Variants in CSMD3 observed in about 807,000 individuals in gnomAD.
CSMD3 encodes the protein CUB and Sushi multiple domains 3.
In CSMD3, 177 loss-of-function variants were observed where a neutral mutation model predicts 435.2. The observed-to-expected ratio is 0.41, with a 90% CI of 0.36 to 0.46. The LOEUF (loss-of-function observed/expected upper bound fraction) is 0.46. Ranked by LOEUF, CSMD3 falls within the 20% of genes least tolerant of loss-of-function variation. The pLI is 0.34. For missense variants in CSMD3, 4,265 were observed against 4,504.6 expected, an observed-to-expected ratio of 0.95 and a Z score of 1.52; for synonymous variants, 1,656 against 1,520.5, an observed-to-expected ratio of 1.09 and a Z score of -2.07.
chr8:112,363,436 T>C (rs1827454634), intron 38 of CSMD3, among the ~76,000 whole-genome samples: 1 of 151,838 alleles, frequency 6.6e-6, no homozygotes, highest in South Asian at 2.1e-4. Context: ...AAAAAATATA[T>C]AAATATTTAT....
intron 32 of CSMD3, among the ~76,000 whole-genome samples, chr8:112,420,579 A>G (rs1465451690): frequency 2.0e-5 from 3 of 152,178 alleles, no homozygotes; most frequent in African/African-American, 7.2e-5. Flanking sequence ...TATAAAATCT[A>G]TAACCCACAT....
At chr8:112,580,563 G>T (rs1042128772) in intron 23 of CSMD3, among the ~76,000 whole-genome samples, 16 of 151,870 alleles carry the variant, frequency 1.1e-4, no homozygotes, top group Non-Finnish European at 2.1e-4. Flanking sequence ...AGATACTGGG[G>T]GTTGGTCAGG....
intron 68 of CSMD3, among the ~76,000 whole-genome samples, chr8:112,232,346 G>T (rs930685290): frequency 1.3e-5 from 2 of 152,160 alleles, no homozygotes; most frequent in South Asian, 2.1e-4. Context: ...GGTGGCTCAC[G>T]CCTGTAATTC....
At chr8:112,712,572 T>A (rs1371968107) in intron 13 of CSMD3, among the ~76,000 whole-genome samples, 1 of 152,146 alleles carries the variant, frequency 6.6e-6, no homozygotes. Flanking sequence ...ATTAATATTT[T>A]CCTTGGACTG....
At chr8:112,591,299 A>G (rs1229191369) in intron 22 of CSMD3, among the ~76,000 whole-genome samples, 2 of 152,140 alleles carry the variant, frequency 1.3e-5, no homozygotes, top group African/African-American at 4.8e-5. Context: ...GTTGGATTGA[A>G]GTGGGAAAGA....
intron 14 of CSMD3, among the ~76,000 whole-genome samples, chr8:112,685,978 T>C (rs2076002099): frequency 6.6e-6 from 1 of 152,156 alleles, no homozygotes; most frequent in South Asian, 2.1e-4. Flanking sequence ...AATAGCAATT[T>C]TTTGACATAT....
intron 3 of CSMD3, among the ~76,000 whole-genome samples, chr8:113,225,383 A>G (rs1340757501): frequency 6.6e-6 from 1 of 151,448 alleles, no homozygotes; most frequent in Non-Finnish European, 1.5e-5. Context: ...TCTCCTTTCT[A>G]CTAGTCAGAT....
At chr8:112,929,892 TA>T (rs781121577) in intron 9 of CSMD3, among the ~76,000 whole-genome samples, 4 of 152,104 alleles carry the variant, frequency 2.6e-5, no homozygotes, top group Non-Finnish European at 5.9e-5. Flanking sequence ...AGACATGAGT[TA>T]AAATCATTTG....
chr8:112,576,835 C>CATATATATAT (rs5894088), intron 23 of CSMD3, among the ~76,000 whole-genome samples: 15 of 71,606 alleles, frequency 2.1e-4, no homozygotes, highest in East Asian at 5.0e-4. Context: ...AGGCAGCATA[C>CATATATATAT]ATATATATAT....
intron 6 of CSMD3, among the ~76,000 whole-genome samples, chr8:112,999,710 T>C (rs1355494639): frequency 6.6e-6 from 1 of 150,946 alleles, no homozygotes; most frequent in Non-Finnish European, 1.5e-5. Context: ...AAAATGCAGG[T>C]GGAGTGAAGT....
At chr8:112,581,471 G>A (rs1048798100) in intron 23 of CSMD3, among the ~76,000 whole-genome samples, 1 of 151,904 alleles carries the variant, frequency 6.6e-6, no homozygotes, top group African/African-American at 2.4e-5. Flanking sequence ...GGCAATGGGG[G>A]AAATATTTAA....
At chr8:112,404,107 A>G (rs962922421) in intron 35 of CSMD3, among the ~76,000 whole-genome samples, 2 of 152,136 alleles carry the variant, frequency 1.3e-5, no homozygotes, top group African/African-American at 2.4e-5. Flanking sequence ...AAATCAAATG[A>G]CCAACCATCC....
intron 2 of CSMD3, among the ~76,000 whole-genome samples, chr8:113,282,275 G>A (rs2093618228): frequency 6.6e-6 from 1 of 151,904 alleles, no homozygotes; most frequent in African/African-American, 2.4e-5. Flanking sequence ...TAGTAAAGAG[G>A]AAGCCAAACT....
intron 14 of CSMD3, among the ~76,000 whole-genome samples, chr8:112,689,201 GA>G (rs1438857138): frequency 6.6e-6 from 1 of 151,950 alleles, no homozygotes; most frequent in Non-Finnish European, 1.5e-5. Flanking sequence ...TGTTATTAGG[GA>G]AATTTCTGCC....
At chr8:112,927,210 T>C (rs2082939115) in intron 9 of CSMD3, among the ~76,000 whole-genome samples, 1 of 152,068 alleles carries the variant, frequency 6.6e-6, no homozygotes, top group African/African-American at 2.4e-5. Flanking sequence ...TTTTCTGTTT[T>C]AAAATTGTAC....
intron 3 of CSMD3, among the ~76,000 whole-genome samples, chr8:113,241,142 A>G (rs2132243929): frequency 6.6e-6 from 1 of 152,284 alleles, no homozygotes; most frequent in Admixed American, 6.5e-5. Flanking sequence ...GATGACTAGA[A>G]TAATGTAAGA....
At chr8:113,238,450 G>T (rs1056947367) in intron 3 of CSMD3, among the ~76,000 whole-genome samples, 1 of 152,108 alleles carries the variant, frequency 6.6e-6, no homozygotes, top group Non-Finnish European at 1.5e-5. Flanking sequence ...GATAGATGGG[G>T]ACTTCCTACC....
chr8:112,607,604 A>C (rs1195002493), intron 22 of CSMD3, among the ~76,000 whole-genome samples: 1 of 152,122 alleles, frequency 6.6e-6, no homozygotes, highest in Admixed American at 6.6e-5. Flanking sequence ...ACCAAATTCA[A>C]CAGTGCCATG....
At chr8:113,271,789 A>G (rs1255964773) in intron 3 of CSMD3, among the ~76,000 whole-genome samples, 4 of 152,106 alleles carry the variant, frequency 2.6e-5, no homozygotes, top group Admixed American at 1.3e-4. Flanking sequence ...AGATCCACCT[A>G]TAACTTGTAC....
Sources: gnomAD v4.1 joint callset for allele counts (sites outside exome capture counted in the v4.1 genomes callset) on GRCh38, gnomAD v4.1.1 for gene constraint, MANE v1.5 for transcripts, NCBI Gene and HGNC (gene_info 2026-07-23, HGNC 2026-07-21) for gene names.